Variants in NCAM1 observed in about 807,000 individuals in gnomAD.
The protein encoded by NCAM1 is antigen recognized by monoclonal antibody 5.1H11.
NCAM1 carries 14 observed loss-of-function variants against 109.8 expected under a neutral mutation model. The ratio of observed to expected loss-of-function variants is 0.13; its 90% CI spans 0.08 to 0.20. The LOEUF is 0.20. NCAM1 is among the 10% of genes least tolerant of loss of function. NCAM1 has a pLI of 1.00. For missense variants in NCAM1, 774 were observed against 1,109.9 expected (o/e 0.70, Z 4.30); for synonymous variants, 418 against 442.9 (o/e 0.94, Z 0.70).
chr11:113,156,436 G>C (rs4936263), intron 1 of NCAM1, among the ~76,000 whole-genome samples: 2 of 151,824 alleles, frequency 1.3e-5, no homozygotes, highest in African/African-American at 4.8e-5. Context: ...TTAGTTGTGC[G>C]AATGACACAC....
chr11:113,262,646 T>C (rs1946041147), intron 17 of NCAM1, among the ~76,000 whole-genome samples: 1 of 152,268 alleles, frequency 6.6e-6, no homozygotes, highest in African/African-American at 2.4e-5. Context: ...CTGTGTTTTC[T>C]ATAGTTGACC....
intron 1 of NCAM1, among the ~76,000 whole-genome samples, chr11:112,986,201 A>G (rs920946404): frequency 2.6e-5 from 4 of 151,878 alleles, no homozygotes; most frequent in Non-Finnish European, 4.4e-5. Context: ...CTTTTAATAT[A>G]GTATATCACA....
At chr11:112,976,579 CAA>C (rs1555067727) in intron 1 of NCAM1, among the ~76,000 whole-genome samples, 1 of 151,750 alleles carries the variant, frequency 6.6e-6, no homozygotes, top group East Asian at 1.9e-4. Flanking sequence ...CACAGGGAAA[CAA>C]AAATGTCTGG....
intron 1 of NCAM1, among the ~76,000 whole-genome samples, chr11:113,035,089 A>G (rs937866613): frequency 7.9e-5 from 12 of 152,358 alleles, no homozygotes; most frequent in Middle Eastern, 3.4e-3. Flanking sequence ...AGAAAATGAA[A>G]CACAGTAAAA....
chr11:113,078,366 T>C (rs1938624752), intron 1 of NCAM1, among the ~76,000 whole-genome samples: 2 of 151,842 alleles, frequency 1.3e-5, no homozygotes, highest in Admixed American at 6.6e-5. Flanking sequence ...TCCTTAGTTA[T>C]ACCTGCAAAG....
rs1975259 is a variant in NCAM1 at position 113,206,260 on chromosome 11, G to T, written c.628+80G>T. On this transcript the variant is annotated intron_variant, in intron 5 of 19. Coordinates refer to ENST00000316851, the MANE Select transcript of NCAM1 (RefSeq NM_181351.5). ...AAATCATTCTCTTTAACTTCCTCTT[G>T]GGTCTGTAAATTAAATCCTGTCCTG... is the stretch of plus-strand genomic sequence containing the variant. 1.6e-5 allele frequency: 23 copies of T among 1,447,794 alleles called. No individual in the cohort carries two copies. In the African/African-American group the frequency reaches 2.2e-4, roughly 14 times the overall value. The allele number at this position is 1,447,794 out of a possible 1,614,324, so 89.7% of individuals were successfully genotyped here.
intron 1 of NCAM1, among the ~76,000 whole-genome samples, chr11:113,032,483 G>C (rs1373576965): frequency 6.6e-6 from 1 of 152,120 alleles, no homozygotes; most frequent in Admixed American, 6.5e-5. Flanking sequence ...AGAGGGAGTG[G>C]CAAGGCCTGG....
intron 1 of NCAM1, among the ~76,000 whole-genome samples, chr11:113,164,158 G>A (rs1290582945): frequency 6.6e-6 from 1 of 152,090 alleles, no homozygotes; most frequent in Non-Finnish European, 1.5e-5. Context: ...ACTCCATGGG[G>A]GTACATGCTC....
chr11:113,207,183 G>A (rs1402050012), intron 5 of NCAM1, 78 bp from the exon 6 acceptor site: 2 of 1,118,716 alleles, frequency 1.8e-6, no homozygotes, highest in African/African-American at 1.5e-5. Flanking sequence ...CTCCTGACCT[G>A]GAGTGGTGTC....
At chr11:113,246,302 G>A in intron 14 of NCAM1, 66 bp from the exon 15 acceptor site, 1 of 717,138 alleles carries the variant, frequency 1.4e-6, no homozygotes, top group South Asian at 1.5e-5. Flanking sequence ...TCATGTGCGT[G>A]CGTATCATGT....
intron 1 of NCAM1, among the ~76,000 whole-genome samples, chr11:113,137,533 A>G (rs1555099708): frequency 6.6e-6 from 1 of 152,234 alleles, no homozygotes; most frequent in Admixed American, 6.5e-5. Context: ...ATTGTATCTA[A>G]AATGTAAGAC....
chr11:112,991,608 A>T (rs1951459313), intron 1 of NCAM1, among the ~76,000 whole-genome samples: 3 of 152,184 alleles, frequency 2.0e-5, no homozygotes, highest in African/African-American at 7.2e-5. Flanking sequence ...AAGAGAGCAG[A>T]GCTTACTTGA....
intron 7 of NCAM1, among the ~76,000 whole-genome samples, chr11:113,211,055 C>A (rs917549297): frequency 6.6e-6 from 1 of 152,200 alleles, no homozygotes; most frequent in African/African-American, 2.4e-5. Flanking sequence ...TCCATCTTCC[C>A]TTCTCATCCT....
chr11:113,001,412 G>A (rs1440299593), intron 1 of NCAM1, among the ~76,000 whole-genome samples: 1 of 152,144 alleles, frequency 6.6e-6, no homozygotes, highest in Non-Finnish European at 1.5e-5. Context: ...ACTAATAATG[G>A]TCATGGTTTA....
chr11:113,275,176 C>G, intron 19 of NCAM1, 91 bp from the exon 20 acceptor site: 1 of 1,520,192 alleles, frequency 6.6e-7, no homozygotes, highest in Non-Finnish European at 8.9e-7. Context: ...GAGAACCCCT[C>G]CTCCTCCCTG....
chr11:113,152,540 A>C (rs967892317), intron 1 of NCAM1, among the ~76,000 whole-genome samples: 3 of 152,214 alleles, frequency 2.0e-5, no homozygotes, highest in Non-Finnish European at 2.9e-5. Context: ...CTACCTTTAC[A>C]TGCTTTTGCT....
chr11:113,094,471 T>C (rs9630197), intron 1 of NCAM1, among the ~76,000 whole-genome samples: 163 of 152,310 alleles, frequency 1.1e-3, no homozygotes, highest in African/African-American at 3.7e-3. Flanking sequence ...CTCATTGTCA[T>C]AGAACAGAGA....
intron 1 of NCAM1, among the ~76,000 whole-genome samples, chr11:113,119,187 G>C (rs562290077): frequency 7.6e-4 from 115 of 150,488 alleles, no homozygotes; most frequent in South Asian, 4.8e-3. Flanking sequence ...AGGCCACTTA[G>C]AGGGTTGGGG....
chr11:112,968,789 G>C (rs549800368), intron 1 of NCAM1, among the ~76,000 whole-genome samples: 1 of 152,170 alleles, frequency 6.6e-6, no homozygotes, highest in Non-Finnish European at 1.5e-5. Context: ...CTGTGAAATA[G>C]GAAGAACAGA....
Sources: gnomAD v4.1 joint callset for allele counts (sites outside exome capture counted in the v4.1 genomes callset) on GRCh38, gnomAD v4.1.1 for gene constraint, MANE v1.5 for transcripts, NCBI Gene and HGNC (gene_info 2026-07-23, HGNC 2026-07-21) for gene names.